LHFPL6: variants seen among roughly 807,000 people sequenced by gnomAD.
The protein encoded by LHFPL6 is LHFPL tetraspan subfamily member 6.
A neutral mutation model predicts 20.6 loss-of-function variants in LHFPL6; 9 were observed. The ratio of observed to expected loss-of-function variants is 0.44; its 90% confidence interval spans 0.26 to 0.76. The LOEUF (loss-of-function observed/expected upper bound fraction) is 0.76. Among genes scored for constraint, LHFPL6 ranks in the 30% least tolerant of loss-of-function variants. The pLI is 0.20. For synonymous variants in LHFPL6, 105 were observed against 98.7 expected, an observed-to-expected ratio of 1.06 and a Z score of -0.38; for missense variants, 218 against 253.5, an observed-to-expected ratio of 0.86 and a Z score of 0.95.
intron 2 of LHFPL6, among the ~76,000 whole-genome samples, chr13:39,543,054 C>A (rs747843643): frequency 6.6e-6 from 1 of 152,278 alleles, no homozygotes; most frequent in African/African-American, 2.4e-5. Flanking sequence ...GCACCATTCT[C>A]CTTTCTGTCT....
chr13:39,519,504 C>T (rs1255777813), intron 2 of LHFPL6, among the ~76,000 whole-genome samples: 2 of 152,166 alleles, frequency 1.3e-5, no homozygotes, highest in Non-Finnish European at 2.9e-5. Flanking sequence ...TCATCTCTCC[C>T]TCAGTCTGCA....
intron 2 of LHFPL6, among the ~76,000 whole-genome samples, chr13:39,590,190 CTGAGGTGAAA>C (rs1333813541): frequency 1.3e-5 from 2 of 152,144 alleles, no homozygotes; most frequent in Non-Finnish European, 2.9e-5. Flanking sequence ...ACCTGCTTCA[CTGAGGTGAAA>C]TGAAAACTGA....
intron 2 of LHFPL6, among the ~76,000 whole-genome samples, chr13:39,417,677 C>T (rs780012216): frequency 4.6e-5 from 7 of 151,792 alleles, no homozygotes; most frequent in Non-Finnish European, 8.8e-5. Flanking sequence ...TTCTTTTTAA[C>T]CTTTCAGCAC....
At chr13:39,531,422 G>C (rs1456901602) in intron 2 of LHFPL6, among the ~76,000 whole-genome samples, 4 of 152,132 alleles carry the variant, frequency 2.6e-5, no homozygotes, top group South Asian at 2.1e-4. Flanking sequence ...AAAAATTAGG[G>C]TGTGCTTAAA....
chr13:39,503,766 G>C (rs901424285), intron 2 of LHFPL6, among the ~76,000 whole-genome samples: 1 of 152,024 alleles, frequency 6.6e-6, no homozygotes, highest in African/African-American at 2.4e-5. Context: ...TTAAGTCTTG[G>C]CTGCAACTCA....
chr13:39,601,179 G>A lies in LHFPL6; in HGVS notation c.38C>T (p.Ala13Val), dbSNP rs1033142308. The change falls in exon 2 of 4, where the codon GCT (alanine) becomes GTT (valine). Residue 13 changes from alanine to valine, a missense_variant. By Grantham distance (64) the Ala-to-Val change is moderately conservative. Coordinates refer to ENST00000379589, the MANE Select transcript of LHFPL6 (RefSeq NM_005780.3). ...SSLTCTGVIW[A>V]LLSFLCAATS... The stretch of plus-strand genomic sequence containing the variant: ...GGCAGCACAAAGAAAAGACAGCAAA[G>A]CCCAGATTACTCCAGTACAAGTCAG... The A allele has an allele frequency of 6.2e-7, 1 of 1,613,780 alleles. No homozygotes were observed. The highest frequency in any genetic ancestry group is 8.5e-7 in the Non-Finnish European group (1 of 1,179,964).
At chr13:39,398,265 TCTC>T (rs1364526100) in intron 2 of LHFPL6, among the ~76,000 whole-genome samples, 2 of 152,156 alleles carry the variant, frequency 1.3e-5, no homozygotes, top group East Asian at 3.8e-4. Context: ...AATTGTAAAA[TCTC>T]CTAAGGAACT....
chr13:39,445,801 A>C (rs1392186498), intron 2 of LHFPL6, among the ~76,000 whole-genome samples: 1 of 152,228 alleles, frequency 6.6e-6, no homozygotes, highest in East Asian at 1.9e-4. Flanking sequence ...AGAGGACATC[A>C]AAGTTTGTTT....
intron 2 of LHFPL6, among the ~76,000 whole-genome samples, chr13:39,555,994 C>T (rs758989066): frequency 2.0e-5 from 3 of 152,086 alleles, no homozygotes; most frequent in African/African-American, 4.8e-5. Context: ...TCTGGGACCT[C>T]CCCCTTCACT....
At chr13:39,423,580 T>C (rs757481788) in intron 2 of LHFPL6, among the ~76,000 whole-genome samples, 30 of 152,112 alleles carry the variant, frequency 2.0e-4, no homozygotes, top group Non-Finnish European at 4.4e-4. Context: ...CCTACCACCA[T>C]GGCTGGCTAA....
At chr13:39,382,123 A>G (rs1252204061) in intron 2 of LHFPL6, among the ~76,000 whole-genome samples, 1 of 152,212 alleles carries the variant, frequency 6.6e-6, no homozygotes, top group Non-Finnish European at 1.5e-5. Context: ...CTCAGGCCAC[A>G]TTTAGTTCAA....
intron 2 of LHFPL6, among the ~76,000 whole-genome samples, chr13:39,561,706 C>T (rs1046055143): frequency 3.0e-4 from 45 of 152,180 alleles, no homozygotes; most frequent in Admixed American, 2.8e-3. Context: ...ATCCTCCCAC[C>T]TAGGCCTCCC....
chr13:39,438,438 CT>C, intron 2 of LHFPL6, among the ~76,000 whole-genome samples: 1 of 152,324 alleles, frequency 6.6e-6, no homozygotes, highest in East Asian at 1.9e-4. Flanking sequence ...AACTTTGCGT[CT>C]TGGCCATATG....
Position 39,601,172 on chromosome 13 carries a change from C to T in LHFPL6, c.45G>A (p.Leu15=), listed in dbSNP as rs1872933568. ...AGGAGGTGGCAGCACAAAGAAAAGA[C>T]AGCAAAGCCCAGATTACTCCAGTAC... The part of the protein sequence containing the change: ...LTCTGVIWAL[L]SFLCAATSCV... Residue 15 remains leucine (L), a synonymous_variant, in exon 2 of 4, where the codon CTG becomes CTA. Coordinates refer to ENST00000379589, the MANE Select transcript of LHFPL6 (RefSeq NM_005780.3). 1 of 1,613,974 alleles carries T rather than the reference C, an allele frequency of 6.2e-7. No homozygotes were observed. The highest frequency in any genetic ancestry group is 8.5e-7 in the Non-Finnish European group (1 of 1,179,976).
intron 2 of LHFPL6, among the ~76,000 whole-genome samples, chr13:39,406,529 A>G (rs1361223548): frequency 6.6e-6 from 1 of 152,208 alleles, no homozygotes; most frequent in Non-Finnish European, 1.5e-5. Flanking sequence ...TACCACATAC[A>G]TAAGTAATTC....
At chr13:39,545,824 A>G (rs1566137959) in intron 2 of LHFPL6, among the ~76,000 whole-genome samples, 1 of 152,116 alleles carries the variant, frequency 6.6e-6, no homozygotes, top group Non-Finnish European at 1.5e-5. Flanking sequence ...TAATCCCAAC[A>G]CTTTGGAAGG....
rs376575197 is a variant in LHFPL6, at chr13:39,478,750, T to G, written c.386-100224A>C. ...TTGCTTTTGGTCTATTTGCATGAGC[T>G]GGAATATTGGCCTTTTCCTGTAACT... On this transcript the variant is annotated intron_variant, in intron 2 of 3. Coordinates refer to ENST00000379589, the MANE Select transcript of LHFPL6 (RefSeq NM_005780.3). 9.5e-4 allele frequency among the ~76,000 whole-genome samples: 145 copies of G among 152,268 alleles called. 4 individuals are homozygous for G. In the South Asian group the frequency reaches 0.029, roughly 30 times the overall value.
At chr13:39,551,179 T>C (rs1224176758) in intron 2 of LHFPL6, among the ~76,000 whole-genome samples, 2 of 152,152 alleles carry the variant, frequency 1.3e-5, no homozygotes, top group Non-Finnish European at 2.9e-5. Flanking sequence ...GGGTAATTTA[T>C]AGAGAACAGG....
At chr13:39,516,611 T>G (rs1485566829) in intron 2 of LHFPL6, among the ~76,000 whole-genome samples, 1 of 152,204 alleles carries the variant, frequency 6.6e-6, no homozygotes, top group African/African-American at 2.4e-5. Context: ...ACCAGACTGA[T>G]GAATATATAA....
Sources: allele counts gnomAD v4.1 joint callset (sites outside exome capture counted in the v4.1 genomes callset), GRCh38; gene constraint gnomAD v4.1.1; transcripts MANE v1.5; gene names NCBI Gene and HGNC (gene_info 2026-07-23, HGNC 2026-07-21).